Variants in RAG1 observed in about 807,000 individuals in gnomAD.
The protein encoded by RAG1 is V(D)J recombination-activating protein 1.
RAG1 carries 35 observed loss-of-function variants against 62.7 expected under a neutral mutation model. The observed-to-expected ratio is 0.56, with a 90% CI of 0.43 to 0.74. The LOEUF is 0.74. Among genes scored for constraint, RAG1 ranks in the 30% least tolerant of loss-of-function variants. The probability of loss-of-function intolerance (pLI) is 0.00; values close to 1 mark genes in which losing one functional copy is unlikely to be tolerated. For synonymous variants in RAG1, 461 were observed against 470.3 expected (o/e 0.98, Z 0.26); for missense variants, 1,169 against 1,278.6 (o/e 0.91, Z 1.31).
At chr11:36,524,678 A>C (rs903377058) in intron 2 of RAG1, among the ~76,000 whole-genome samples, 1 of 152,012 alleles carries the variant, frequency 6.6e-6, no homozygotes, top group Non-Finnish European at 1.5e-5. Flanking sequence ...TTGTAGAGAC[A>C]GTGGGTCTCA....
chr11:36,535,582 A>G (rs912620415), intron 2 of RAG1, among the ~76,000 whole-genome samples: 2 of 152,038 alleles, frequency 1.3e-5, no homozygotes, highest in African/African-American at 4.8e-5. Flanking sequence ...TGTCTTTACT[A>G]AAAATTCAAA....
chr11:36,545,478 G>A (rs7942421), intron 3 of RAG1, among the ~76,000 whole-genome samples: 1 of 152,058 alleles, frequency 6.6e-6, no homozygotes, highest in South Asian at 2.1e-4. Context: ...AAGGAGAGAG[G>A]TCTCACCAGA....
At chr11:36,551,673 T>G (rs1850487031) in intron 3 of RAG1, among the ~76,000 whole-genome samples, 1 of 145,576 alleles carries the variant, frequency 6.9e-6, no homozygotes, top group African/African-American at 2.5e-5. Flanking sequence ...TAGTTACATA[T>G]GTATACATGT....
chr11:36,522,558 G>A (rs565493551), intron 2 of RAG1, among the ~76,000 whole-genome samples: 2 of 152,358 alleles, frequency 1.3e-5, no homozygotes, highest in East Asian at 1.9e-4. Flanking sequence ...GTGTGGAAAG[G>A]CAATGTAGGG....
intron 2 of RAG1, among the ~76,000 whole-genome samples, chr11:36,530,730 A>G (rs1000626695): frequency 4.6e-5 from 7 of 151,878 alleles, no homozygotes; most frequent in Admixed American, 2.0e-4. Context: ...GAGTTTCTTT[A>G]TGGTTTTTCT....
intron 2 of RAG1, among the ~76,000 whole-genome samples, chr11:36,522,166 A>G (rs1386359216): frequency 6.6e-6 from 1 of 152,206 alleles, no homozygotes; most frequent in Non-Finnish European, 1.5e-5. Flanking sequence ...CAATGGAAAA[A>G]ATATCTCCAG....
chr11:36,534,864 A>C (rs183959828), intron 2 of RAG1, among the ~76,000 whole-genome samples: 1 of 152,090 alleles, frequency 6.6e-6, no homozygotes, highest in African/African-American at 2.4e-5. Flanking sequence ...GTACATTTTC[A>C]TAAGGCTTTT....
intron 2 of RAG1, among the ~76,000 whole-genome samples, chr11:36,522,194 C>T (rs112758646): frequency 0.11 from 17,207 of 152,190 alleles, 1,070 homozygotes; most frequent in South Asian, 0.15. Context: ...CAGAGGCCTT[C>T]GCAGCAGCCC....
rs754702156 is a variant in RAG1 at position 36,574,714 on chromosome 11, C to T, written c.1410C>T (p.Cys470=). Residue 470 remains cysteine, a synonymous_variant, in exon 2 of 2, where the codon TGC becomes TGT. Coordinates refer to ENST00000299440, the MANE Select transcript of RAG1 (RefSeq NM_000448.3). ...GCTCTGGCCTGCAGCCAGCTGTTTG[C>T]TTGGCCATCCGTGTCAACACCTTCC... The part of the protein sequence containing the change: ...GKGSGLQPAV[C]LAIRVNTFLS... 1 of 1,614,108 alleles carries T rather than the reference C, an allele frequency of 6.2e-7. No homozygotes were observed. The highest frequency in any genetic ancestry group is 1.1e-5 in the South Asian group (1 of 91,086).
At position 36,578,135 on chromosome 11, in the gene RAG1, A is replaced by T. The variant is rs546123754; in HGVS notation, c.*1699A>T. The T allele has an allele frequency of 6.0e-6, 1 of 167,122 alleles. No homozygotes were observed. Among genetic ancestry groups the T allele is most frequent in the Non-Finnish European group, 1.5e-5 (1 of 68,090 alleles). 10.4% of individuals were successfully genotyped at this position (167,122 alleles called of 1,614,324 possible). ...TCTTCCTTTGATTTTATTGGCCATA[A>T]TTGCTACTCTTCATACACAGTATAT... On this transcript the variant is annotated 3_prime_UTR_variant, in exon 2 of 2. Transcript: ENST00000299440.
At chr11:36,541,786 A>C (rs1186075542) in intron 3 of RAG1, among the ~76,000 whole-genome samples, 2 of 152,098 alleles carry the variant, frequency 1.3e-5, no homozygotes, top group Admixed American at 1.3e-4. Flanking sequence ...CAGCCTTCCC[A>C]GCTACTTAGG....
downstream of RAG1, among the ~76,000 whole-genome samples, chr11:36,538,642 G>A (rs1261987835): frequency 2.0e-5 from 3 of 152,152 alleles, no homozygotes; most frequent in East Asian, 1.9e-4. Context: ...TGAAGTTTTC[G>A]AGCGGTTTTT....
chr11:36,559,098 A>T (rs750841298), intron 3 of RAG1, among the ~76,000 whole-genome samples: 2 of 152,092 alleles, frequency 1.3e-5, no homozygotes, highest in Non-Finnish European at 2.9e-5. Context: ...TCTGAGGGAT[A>T]GTTTTGTTGG....
chr11:36,575,285 A>T lies in RAG1; in HGVS notation c.1981A>T (p.Met661Leu). 1 of 1,614,232 alleles carries T rather than the reference A, an allele frequency of 6.2e-7. No individual in the cohort carries two copies. The highest frequency in any genetic ancestry group is 8.5e-7 in the Non-Finnish European group (1 of 1,180,046). Residue 661 changes from methionine to leucine, a missense_variant, in exon 2 of 2, where the codon ATG (methionine) becomes TTG (leucine). By Grantham distance (15) the Met-to-Leu change is conservative (BLOSUM62 2). Around this residue, in one of 2 missense-constraint regions of RAG1, gnomAD observed 800 missense variants for 943.3 expected, o/e 0.85. Transcript: ENST00000299440. This position sits in a 1 kb window ranked among gnomAD's most constrained non-coding sequence, Gnocchi z 4.1. ...ACTGTGTTGCAAGCCATTGTGCCTT[A>T]TGCTGGCAGATGAGTCTGACCACGA... Reference protein sequence around the residue: ...SELCCKPLCLMLADESDHETL... With the variant: ...SELCCKPLCLLLADESDHETL...
intron 2 of RAG1, among the ~76,000 whole-genome samples, chr11:36,531,754 A>G (rs1257401521): frequency 6.6e-6 from 1 of 151,952 alleles, no homozygotes; most frequent in Non-Finnish European, 1.5e-5. Context: ...ATACTTTGCC[A>G]TTTCCTTTCT....
chr11:36,522,669 G>C (rs1860100220), intron 2 of RAG1, among the ~76,000 whole-genome samples: 1 of 152,200 alleles, frequency 6.6e-6, no homozygotes, highest in African/African-American at 2.4e-5. Context: ...TCTACTGACA[G>C]CTTGCACTGT....
chr11:36,519,959 C>G (rs190319301), intron 1 of RAG1, among the ~76,000 whole-genome samples: 1 of 152,152 alleles, frequency 6.6e-6, no homozygotes, highest in East Asian at 1.9e-4. Context: ...AAATAGCCAC[C>G]GTGATTGGAA....
intron 3 of RAG1, among the ~76,000 whole-genome samples, chr11:36,546,718 T>C (rs1333629049): frequency 1.2e-4 from 18 of 152,168 alleles, no homozygotes; most frequent in Admixed American, 1.2e-3. Context: ...CTGGTACTGG[T>C]TTTTCCTTTC....
intron 3 of RAG1, among the ~76,000 whole-genome samples, chr11:36,542,389 C>T (rs1327412238): frequency 1.2e-4 from 18 of 152,144 alleles, no homozygotes; most frequent in Admixed American, 1.1e-3. Context: ...CGACCTCTAT[C>T]TCCTCCTCTT....
Sources: allele counts gnomAD v4.1 joint callset (sites outside exome capture counted in the v4.1 genomes callset), GRCh38; gene constraint gnomAD v4.1.1; regional missense constraint gnomAD v4.1.1; non-coding constraint Gnocchi (gnomAD v3.1); transcripts MANE v1.5; gene names NCBI Gene and HGNC (gene_info 2026-07-23, HGNC 2026-07-21).